Variants in ZBED2 observed in about 807,000 individuals in gnomAD.
ZBED2 encodes the protein zinc finger BED domain-containing protein 2.
For synonymous variants in ZBED2, 97 were observed against 98.8 expected, an observed-to-expected ratio of 0.98 and a Z score of 0.11; for missense variants, 285 against 281.0, an observed-to-expected ratio of 1.01 and a Z score of -0.10.
At position 111,593,472 on chromosome 3, in the gene ZBED2, G is replaced by C. The variant is rs1031585606; in HGVS notation, c.*73C>G. The C allele has an allele frequency of 6.7e-7, 1 of 1,482,044 alleles. No homozygotes were observed. The highest frequency in any genetic ancestry group is 1.4e-5 in the African/African-American group (1 of 71,320). The allele number at this position is 1,482,044 out of a possible 1,614,324, so 91.8% of individuals were successfully genotyped here. ...CACCAAACTACTTTGCTTTACATTT[G>C]AGTTGAAACTAAAATGGCTCTTTTC... On this transcript the variant is annotated 3_prime_UTR_variant, in exon 2 of 2. Transcript: ENST00000317012.
chr3:111,593,944 G>T lies in ZBED2; in HGVS notation c.258C>A (p.Ser86Arg), dbSNP rs776746797. The change falls in exon 2 of 2, where the codon AGC becomes AGA. Residue 86 changes from serine (S) to arginine (R), a missense_variant. Ser to Arg is a moderately radical substitution (Grantham distance 110, BLOSUM62 -1). Transcript: ENST00000317012. ...TGCCCACGTTGACCCCAGGGCCACG[G>T]CTCACCTGCCTGCCACACAGGCGGC... ...ATCRLCGRQV[S>R]RGPGVNVGTT... is the part of the protein sequence containing the mutation. 42 of 1,613,818 alleles carry T rather than the reference G, an allele frequency of 2.6e-5. No homozygotes were observed. The highest frequency in any genetic ancestry group is 3.4e-5 in the Non-Finnish European group (40 of 1,180,044).
chr3:111,594,331 G>C lies in ZBED2; in HGVS notation c.-130C>G. On this transcript the variant is annotated 5_prime_UTR_variant, in exon 2 of 2. Transcript: ENST00000317012. ...TTGGGGATTCACAATAATGGCCAAA[G>C]TCTGGCCACACCTGGGTGGTGTGAG... is the stretch of plus-strand genomic sequence containing the variant. 1 of 1,152,694 alleles carries C rather than the reference G, an allele frequency of 8.7e-7. No homozygotes were observed. Among genetic ancestry groups the C allele is most frequent in the Non-Finnish European group, 1.2e-6 (1 of 817,124 alleles). The allele number at this position is 1,152,694 out of a possible 1,614,324, so 71.4% of individuals were successfully genotyped here. A position where few individuals can be genotyped will look rare whatever the true frequency, so the allele number is the denominator to read the frequency against.
chr3:111,593,891 CT>C lies in ZBED2; in HGVS notation c.310del (p.Ser104AlafsTer88). 6.2e-7 allele frequency: 1 copy of C among 1,613,744 alleles called. No individual in the cohort carries two copies. Among genetic ancestry groups the C allele is most frequent in the Non-Finnish European group, 8.5e-7 (1 of 1,180,036 alleles). On this transcript the variant is annotated frameshift_variant, in exon 2 of 2. Coordinates refer to ENST00000317012, the MANE Select transcript of ZBED2 (RefSeq NM_024508.5). LOFTEE classifies it low-confidence loss of function (END_TRUNC). ...GTTALWKHLK[S>X]MHREELEKSG... ...CTTCTCCAGCTCCTCTCTGTGCATGCTTTTCAGATGCTTCCACAGTGCAGTG... is the reference window on the plus strand; with the variant it reads ...CTTCTCCAGCTCCTCTCTGTGCATGCTTTCAGATGCTTCCACAGTGCAGTG...
rs779603011 is a variant in ZBED2, at chr3:111,594,218, C to T, written c.-17G>A. On this transcript the variant is annotated 5_prime_UTR_variant, in exon 2 of 2. Coordinates refer to ENST00000317012, the MANE Select transcript of ZBED2 (RefSeq NM_024508.5). ...CCTCATCATGTCACCTCTTCTACAG[C>T]GTTCTTTATGATGTGCTTAGATGTG... 76 of 1,569,180 alleles carry T rather than the reference C, an allele frequency of 4.8e-5. No homozygotes were observed. In the South Asian group the frequency reaches 7.8e-4, roughly 16 times the overall value.
In ZBED2 at chr3:111,594,538, T is replaced by C; in HGVS notation, c.-337A>G. On this transcript the variant is annotated 5_prime_UTR_variant, in exon 2 of 2. Transcript: ENST00000317012. ...TCTGGTCCAACAATTACAAAGCTCT[T>C]TGATGAACTCAGTGTTTTCTGCATC... 1 of 245,940 alleles carries C rather than the reference T, an allele frequency of 4.1e-6. No individual in the cohort carries two copies. The allele number at this position is 245,940 out of a possible 1,614,324, so 15.2% of individuals were successfully genotyped here.
Position 111,593,748 on chromosome 3 carries a change from A to T in ZBED2, c.454T>A (p.Trp152Arg). The change falls in exon 2 of 2, where the codon TGG becomes AGG. Residue 152 changes from tryptophan to arginine, a missense_variant. Transcript: ENST00000317012. ...LLEQVGTMALWASQREKEVLR... is the reference protein window; with the variant it reads ...LLEQVGTMALRASQREKEVLR... ...ACCTCCTTTTCCCTTTGGCTGGCCC[A>T]CAAAGCCATGGTGCCCACCTGCTCC... The T allele has an allele frequency of 6.2e-7, 1 of 1,613,840 alleles. No homozygotes were observed. Among genetic ancestry groups the T allele is most frequent in the Non-Finnish European group, 8.5e-7 (1 of 1,179,942 alleles).
At position 111,594,090 on chromosome 3, in the gene ZBED2, A is replaced by G. The variant is rs1937136762; in HGVS notation, c.112T>C (p.Phe38Leu). ...ISETGELVGP[F>L]VSAMPTPMPH... ...ATTGGAGTGGGCATAGCACTCACAA[A>G]AGGGCCAACCAGTTCTCCTGTCTCA... The change falls in exon 2 of 2, where the codon TTT becomes CTT. Residue 38 changes from phenylalanine to leucine, a missense_variant. Physicochemically the swap from Phe to Leu is conservative, Grantham distance 22. Coordinates refer to ENST00000317012, the MANE Select transcript of ZBED2 (RefSeq NM_024508.5). The G allele has an allele frequency of 6.2e-7, 1 of 1,614,002 alleles. No individual in the cohort carries two copies. Among genetic ancestry groups the G allele is most frequent in the Non-Finnish European group, 8.5e-7 (1 of 1,180,016 alleles).
At position 111,593,742 on chromosome 3, in the gene ZBED2, T is replaced by A. The variant is rs754877087; in HGVS notation, c.460A>T (p.Ser154Cys). 1 of 1,614,234 alleles carries A rather than the reference T, an allele frequency of 6.2e-7. No individual in the cohort carries two copies. Among genetic ancestry groups the A allele is most frequent in the East Asian group, 2.2e-5 (1 of 44,886 alleles). The change falls in exon 2 of 2, where the codon AGC becomes TGC. Residue 154 changes from serine to cysteine, a missense_variant. Ser to Cys is a moderately radical substitution (Grantham distance 112). Transcript: ENST00000317012. Reference protein sequence around the residue: ...EQVGTMALWASQREKEVLRRE... With the variant: ...EQVGTMALWACQREKEVLRRE... ...CTAAGCACCTCCTTTTCCCTTTGGC[T>A]GGCCCACAAAGCCATGGTGCCCACC...
Position 111,594,461 on chromosome 3 carries a change from C to T in ZBED2, c.-260G>A. 2.4e-6 allele frequency: 1 copy of T among 411,488 alleles called. No individual in the cohort carries two copies. Among genetic ancestry groups the T allele is most frequent in the Non-Finnish European group, 4.5e-6 (1 of 221,450 alleles). 25.5% of individuals were successfully genotyped at this position (411,488 alleles called of 1,614,324 possible). A position where few individuals can be genotyped will look rare whatever the true frequency, so the allele number is the denominator to read the frequency against. On this transcript the variant is annotated 5_prime_UTR_variant, in exon 2 of 2. Transcript: ENST00000317012. ...TGCCCCAGATACTTACTTATCCTCC[C>T]TTGACTAGGCCAGAAAGACAAAACA...
Position 111,594,302 on chromosome 3 carries a change from ACT to A in ZBED2, c.-103_-102del. On this transcript the variant is annotated 5_prime_UTR_variant, in exon 2 of 2. Coordinates refer to ENST00000317012, the MANE Select transcript of ZBED2 (RefSeq NM_024508.5). The stretch of plus-strand genomic sequence containing the variant: ...ATATATTTGGGAAGGGCCTGTGGTA[ACT>A]CTTGGGGATTCACAATAATGGCCAA... 2 of 1,410,690 alleles carry A rather than the reference ACT, an allele frequency of 1.4e-6. No homozygotes were observed. The highest frequency in any genetic ancestry group is 1.9e-6 in the Non-Finnish European group (2 of 1,044,394). 87.4% of individuals were successfully genotyped at this position (1,410,690 alleles called of 1,614,324 possible). A position where few individuals can be genotyped will look rare whatever the true frequency, so the allele number is the denominator to read the frequency against.
Position 111,593,202 on chromosome 3 carries a change from C to G in ZBED2, c.*343G>C, listed in dbSNP as rs1937075860. The G allele has an allele frequency of 5.4e-6, 1 of 185,722 alleles. No homozygotes were observed. Among genetic ancestry groups the G allele is most frequent in the Non-Finnish European group, 1.1e-5 (1 of 89,962 alleles). The allele number at this position is 185,722 out of a possible 1,614,324, so 11.5% of individuals were successfully genotyped here. Reference sequence around the variant, plus strand: ...CAGCCCTCAAAATCGTCAGCTCCACCAAAACCGAGTGCTAGGCAAAAATCT... The same window carrying G: ...CAGCCCTCAAAATCGTCAGCTCCACGAAAACCGAGTGCTAGGCAAAAATCT... On this transcript the variant is annotated 3_prime_UTR_variant, in exon 2 of 2. Transcript: ENST00000317012.
Position 111,593,317 on chromosome 3 carries a change from A to T in ZBED2, c.*228T>A, listed in dbSNP as rs1444461061. ...TACTTTGGTAGAAGCATTTATCTTT[A>T]ATAGGTACATTTTAGAGTTTCGGCC... On this transcript the variant is annotated 3_prime_UTR_variant, in exon 2 of 2. Coordinates refer to ENST00000317012, the MANE Select transcript of ZBED2 (RefSeq NM_024508.5). The T allele has an allele frequency of 4.8e-6, 2 of 418,986 alleles. No individual in the cohort carries two copies. Among genetic ancestry groups the T allele is most frequent in the Admixed American group, 4.0e-5 (1 of 25,204 alleles). The allele number at this position is 418,986 out of a possible 1,614,324, so 26.0% of individuals were successfully genotyped here.
At position 111,593,798 on chromosome 3, in the gene ZBED2, A is replaced by T. The variant is rs774748507; in HGVS notation, c.404T>A (p.Ile135Asn). The stretch of plus-strand genomic sequence containing the variant: ...CAGGAGCCTACCCCAGTTACCCTCA[A>T]TGCCTGTGGGGAGCTGGGGCCCGTG... Reference protein sequence around the residue: ...RPHGPQLPTGIEGNWGRLLEQ... With the variant: ...RPHGPQLPTGNEGNWGRLLEQ... Residue 135 changes from isoleucine (I) to asparagine (N), a missense_variant, in exon 2 of 2, where the codon ATT becomes AAT. Coordinates refer to ENST00000317012, the MANE Select transcript of ZBED2 (RefSeq NM_024508.5). 1.2e-6 allele frequency: 2 copies of T among 1,614,042 alleles called. No individual in the cohort carries two copies. Among genetic ancestry groups the T allele is most frequent in the South Asian group, 2.2e-5 (2 of 91,080 alleles).
chr3:111,593,425 A>G lies in ZBED2; in HGVS notation c.*120T>C. On this transcript the variant is annotated 3_prime_UTR_variant, in exon 2 of 2. Transcript: ENST00000317012. Reference sequence around the variant, plus strand: ...CTCAGATTAACTCATACTGTGCACTATTTCACATAAAAGCAAAATGTCACC... The same window carrying G: ...CTCAGATTAACTCATACTGTGCACTGTTTCACATAAAAGCAAAATGTCACC... 3 of 1,272,936 alleles carry G rather than the reference A, an allele frequency of 2.4e-6. No individual in the cohort carries two copies. The highest frequency in any genetic ancestry group is 3.2e-6 in the Non-Finnish European group (3 of 952,158). The allele number at this position is 1,272,936 out of a possible 1,614,324, so 78.9% of individuals were successfully genotyped here. A position where few individuals can be genotyped will look rare whatever the true frequency, so the allele number is the denominator to read the frequency against.
In ZBED2 at chr3:111,593,611, A is replaced by T. The variant is rs1236492883; in HGVS notation, c.591T>A (p.Ala197=). Residue 197 remains alanine, a synonymous_variant, in exon 2 of 2, where the codon GCT becomes GCA. Coordinates refer to ENST00000317012, the MANE Select transcript of ZBED2 (RefSeq NM_024508.5). ...AILEMKWKVR[A]EKEACQREKE... ...TCTCCCGCTGGCATGCCTCCTTCTC[A>T]GCCCTCACCTTCCACTTCATCTCCA... is the stretch of plus-strand genomic sequence containing the variant. 1.3e-6 allele frequency: 2 copies of T among 1,576,752 alleles called. No individual in the cohort carries two copies. Among genetic ancestry groups the T allele is most frequent in the Admixed American group, 3.6e-5 (2 of 56,306 alleles).
At position 111,593,362 on chromosome 3, in the gene ZBED2, G is replaced by A; in HGVS notation, c.*183C>T. The A allele has an allele frequency of 3.1e-6, 2 of 636,964 alleles. No individual in the cohort carries two copies. Among genetic ancestry groups the A allele is most frequent in the Non-Finnish European group, 2.4e-6 (1 of 422,548 alleles). The allele number at this position is 636,964 out of a possible 1,614,324, so 39.5% of individuals were successfully genotyped here. A position where few individuals can be genotyped will look rare whatever the true frequency, so the allele number is the denominator to read the frequency against. Reference sequence around the variant, plus strand: ...TCGGCCAAGGGTCAGCAGAGCTCTAGGAACCTCGTAGATAAGCATTTGGTC... The same window carrying A: ...TCGGCCAAGGGTCAGCAGAGCTCTAAGAACCTCGTAGATAAGCATTTGGTC... On this transcript the variant is annotated 3_prime_UTR_variant, in exon 2 of 2. Coordinates refer to ENST00000317012, the MANE Select transcript of ZBED2 (RefSeq NM_024508.5).
chr3:111,593,312 T>A lies in ZBED2; in HGVS notation c.*233A>T. 2.4e-6 allele frequency: 1 copy of A among 411,670 alleles called. No individual in the cohort carries two copies. Among genetic ancestry groups the A allele is most frequent in the Admixed American group, 4.0e-5 (1 of 24,968 alleles). The allele number at this position is 411,670 out of a possible 1,614,324, so 25.5% of individuals were successfully genotyped here. On this transcript the variant is annotated 3_prime_UTR_variant, in exon 2 of 2. Transcript: ENST00000317012. ...AGTTTTACTTTGGTAGAAGCATTTA[T>A]CTTTAATAGGTACATTTTAGAGTTT...
In ZBED2 at chr3:111,593,899, A is replaced by G; in HGVS notation, c.303T>C (p.His101=). The G allele has an allele frequency of 6.2e-7, 1 of 1,613,624 alleles. No individual in the cohort carries two copies. Residue 101 remains histidine (H), a synonymous_variant, in exon 2 of 2, where the codon CAT becomes CAC. Coordinates refer to ENST00000317012, the MANE Select transcript of ZBED2 (RefSeq NM_024508.5). ...GCTCCTCTCTGTGCATGCTTTTCAGATGCTTCCACAGTGCAGTGGTGCCCA... is the reference window on the plus strand; with the variant it reads ...GCTCCTCTCTGTGCATGCTTTTCAGGTGCTTCCACAGTGCAGTGGTGCCCA... The part of the protein sequence containing the change: ...VNVGTTALWK[H]LKSMHREELE...
Position 111,593,593 on chromosome 3 carries a change from C to G in ZBED2, c.609G>C (p.Gln203His). The G allele has an allele frequency of 6.4e-7, 1 of 1,551,768 alleles. No individual in the cohort carries two copies. The highest frequency in any genetic ancestry group is 8.7e-7 in the Non-Finnish European group (1 of 1,148,004). Residue 203 changes from glutamine to histidine, a missense_variant, in exon 2 of 2, where the codon CAG becomes CAC. By Grantham distance (24) the Gln-to-His change is conservative. Coordinates refer to ENST00000317012, the MANE Select transcript of ZBED2 (RefSeq NM_024508.5). ...WKVRAEKEAC[Q>H]REKELPAAVH... ...CTGCTGCAGGCAGCTCTTTCTCCCG[C>G]TGGCATGCCTCCTTCTCAGCCCTCA... is the stretch of plus-strand genomic sequence containing the variant.
Sources: allele counts gnomAD v4.1 joint callset, GRCh38; gene constraint gnomAD v4.1.1; transcripts MANE v1.5; gene names NCBI Gene and HGNC (gene_info 2026-07-23, HGNC 2026-07-21).